The following PTPRD variants were observed in gnomAD, a reference collection of about 807,000 sequenced individuals.
PTPRD encodes protein tyrosine phosphatase receptor type D.
A neutral mutation model predicts 214.5 loss-of-function variants in PTPRD; 34 were observed. The observed-to-expected ratio is 0.16, with a 90% CI of 0.12 to 0.21. The LOEUF (loss-of-function observed/expected upper bound fraction) is 0.21. Ranked by LOEUF, PTPRD falls within the 10% of genes least tolerant of loss-of-function variation. The pLI is 1.00. For missense variants in PTPRD, 2,545 were observed against 2,398.7 expected, an observed-to-expected ratio of 1.06 and a Z score of -1.27; for synonymous variants, 1,128 against 845.7, an observed-to-expected ratio of 1.33 and a Z score of -5.79.
At chr9:8,620,852 G>A (rs1391009755) in intron 14 of PTPRD, among the ~76,000 whole-genome samples, 2 of 151,956 alleles carry the variant, frequency 1.3e-5, no homozygotes, top group Non-Finnish European at 2.9e-5. Flanking sequence ...CTCTACGTGA[G>A]ACTCACATTC....
chr9:9,943,824 G>C (rs1467257301), intron 4 of PTPRD, among the ~76,000 whole-genome samples: 1 of 152,166 alleles, frequency 6.6e-6, no homozygotes, highest in Non-Finnish European at 1.5e-5. Flanking sequence ...AGGATTAAAG[G>C]ATTCTTTTTT....
rs117192711 is a variant in PTPRD, at chr9:9,197,581, C to A, written c.-202-14218G>T. On this transcript the variant is annotated intron_variant, in intron 9 of 45. Transcript: ENST00000381196. ...GCGTGCCACCACACCCAGATGATTT[C>A]TGTATTTTTAGTAGAGATGGAGTTT... Among the ~76,000 whole-genome samples the A allele has an allele frequency of 8.5e-4, 130 of 152,122 alleles. 1 individual carries two copies. The East Asian group carries it at 0.012, about 14-fold the overall frequency.
intron 2 of PTPRD, among the ~76,000 whole-genome samples, chr9:10,491,774 T>C (rs1255732134): frequency 6.6e-6 from 1 of 152,082 alleles, no homozygotes; most frequent in Non-Finnish European, 1.5e-5. Context: ...GCAGGTTTGT[T>C]ACATAGGTAT....
chr9:9,421,875 T>C (rs1349441740), intron 8 of PTPRD, among the ~76,000 whole-genome samples: 1 of 151,824 alleles, frequency 6.6e-6, no homozygotes, highest in Non-Finnish European at 1.5e-5. Context: ...TCAGAGATAG[T>C]ATATTGATGG....
At chr9:9,248,021 A>T (rs755417937) in intron 9 of PTPRD, among the ~76,000 whole-genome samples, 1 of 152,022 alleles carries the variant, frequency 6.6e-6, no homozygotes, top group Non-Finnish European at 1.5e-5. Context: ...CTTGCAGTAC[A>T]CTGTAGGTAT....
intron 2 of PTPRD, among the ~76,000 whole-genome samples, chr9:10,611,118 T>G (rs1186345531): frequency 6.6e-6 from 1 of 152,160 alleles, no homozygotes; most frequent in African/African-American, 2.4e-5. Flanking sequence ...TTTTAACTTA[T>G]AAGGGGTTTT....
intron 3 of PTPRD, among the ~76,000 whole-genome samples, chr9:10,130,936 C>G (rs1222131700): frequency 6.6e-6 from 1 of 152,056 alleles, no homozygotes; most frequent in Non-Finnish European, 1.5e-5. Context: ...ATAGAGGAGA[C>G]TGGGAGCACA....
chr9:9,033,966 A>G (rs143283456), intron 10 of PTPRD, among the ~76,000 whole-genome samples: 48 of 152,318 alleles, frequency 3.2e-4, no homozygotes, highest in Non-Finnish European at 5.9e-4. Context: ...TTTTACCTGA[A>G]TAAAAACTGC....
chr9:10,512,480 C>T (rs925209296), intron 2 of PTPRD, among the ~76,000 whole-genome samples: 1 of 152,030 alleles, frequency 6.6e-6, no homozygotes, highest in African/African-American at 2.4e-5. Context: ...AGATAGTGCT[C>T]CTATGATCCA....
chr9:8,525,826 G>A (rs1476021972), intron 17 of PTPRD, among the ~76,000 whole-genome samples: 1 of 151,944 alleles, frequency 6.6e-6, no homozygotes, highest in Admixed American at 6.6e-5. Flanking sequence ...AAAACCCCAA[G>A]AAAAATACAA....
intron 39 of PTPRD, among the ~76,000 whole-genome samples, chr9:8,368,514 G>C (rs1427173878): frequency 6.6e-6 from 1 of 151,806 alleles, no homozygotes; most frequent in African/African-American, 2.4e-5. Flanking sequence ...TATTACTATT[G>C]GCCTCACCTC....
intron 5 of PTPRD, among the ~76,000 whole-genome samples, chr9:9,877,678 C>G (rs2067279137): frequency 6.6e-6 from 1 of 151,942 alleles, no homozygotes; most frequent in Non-Finnish European, 1.5e-5. Context: ...TGTACAAACT[C>G]TTGAAGAAAT....
At chr9:10,162,391 C>A (rs1023198440) in intron 3 of PTPRD, among the ~76,000 whole-genome samples, 1 of 150,980 alleles carries the variant, frequency 6.6e-6, no homozygotes, top group African/African-American at 2.4e-5. Flanking sequence ...CTGTCATTTG[C>A]AGCAATATTA....
At chr9:10,245,459 T>C (rs766979916) in intron 3 of PTPRD, among the ~76,000 whole-genome samples, 12 of 152,188 alleles carry the variant, frequency 7.9e-5, no homozygotes, top group Non-Finnish European at 1.6e-4. Flanking sequence ...TGCATACCTA[T>C]CTGTTCAATT....
At chr9:8,646,354 G>A (rs144679872) in intron 12 of PTPRD, among the ~76,000 whole-genome samples, 18 of 151,984 alleles carry the variant, frequency 1.2e-4, no homozygotes, top group South Asian at 2.1e-4. Context: ...GCTCTTTTCC[G>A]CTCAAAAAAT....
At chr9:8,608,703 CA>C (rs1317094090) in intron 14 of PTPRD, among the ~76,000 whole-genome samples, 29 of 151,730 alleles carry the variant, frequency 1.9e-4, no homozygotes, top group Admixed American at 7.9e-4. Flanking sequence ...GTACTGACGG[CA>C]AATGGATGAT....
At chr9:10,422,385 G>C (rs547346611) in intron 2 of PTPRD, among the ~76,000 whole-genome samples, 118 of 152,062 alleles carry the variant, frequency 7.8e-4, no homozygotes, top group African/African-American at 2.7e-3. Context: ...ATACCATTCA[G>C]GACATAGGCA....
intron 9 of PTPRD, among the ~76,000 whole-genome samples, chr9:9,325,492 TTGTC>T (rs1235117796): frequency 1.3e-5 from 2 of 152,144 alleles, no homozygotes; most frequent in African/African-American, 4.8e-5. Context: ...GGCTCTCTGT[TTGTC>T]TGTTGTTGGT....
chr9:10,054,953 G>C lies in PTPRD; in HGVS notation c.-544-21163C>G, dbSNP rs531704830. ...GTTTAGACGATGTCATGAGTGCTGG[G>C]TCTTCATCATGGGATTCGTGTCCAT... On this transcript the variant is annotated intron_variant, in intron 3 of 45. Transcript: ENST00000381196. Among the ~76,000 whole-genome samples, 5 of 151,956 alleles carry C rather than the reference G, an allele frequency of 3.3e-5. No homozygotes were observed. The South Asian group carries it at 1.0e-3, about 32-fold the overall frequency.
Sources: gnomAD v4.1 joint callset for allele counts (sites outside exome capture counted in the v4.1 genomes callset) on GRCh38, gnomAD v4.1.1 for gene constraint, MANE v1.5 for transcripts, NCBI Gene and HGNC (gene_info 2026-07-23, HGNC 2026-07-21) for gene names.